ALLC: variants seen among roughly 807,000 people sequenced by gnomAD.
The protein encoded by ALLC is probable inactive allantoicase.
ALLC carries 40 observed loss-of-function variants against 45.0 expected under a neutral mutation model. The ratio of observed to expected loss-of-function variants is 0.89; its 90% confidence interval spans 0.69 to 1.16. The LOEUF is 1.16. Among genes scored for constraint, ALLC ranks in the 50% most tolerant of loss-of-function variants. The pLI, the probability that ALLC is intolerant of heterozygous loss-of-function variation, is 0.00. For synonymous variants in ALLC, 176 were observed against 178.1 expected (o/e 0.99, Z 0.09); for missense variants, 488 against 493.1 (o/e 0.99, Z 0.10).
rs370256431 is a variant in ALLC, at chr2:3,702,405, G to A, written c.1018G>A (p.Glu340Lys). ...TCATCTGTTCGATAGCCTGACCCTAGAGCTCCAAGATGTCATCACTCACGC... is the reference window on the plus strand; with the variant it reads ...TCATCTGTTCGATAGCCTGACCCTAAAGCTCCAAGATGTCATCACTCACGC... ...QSHLFDSLTL[E>K]LQDVITHARL... Residue 340 changes from glutamate (E) to lysine (K), a missense_variant, in exon 12 of 12, where the codon GAG (glutamate) becomes AAG (lysine). Physicochemically the swap from Glu to Lys is moderately conservative, Grantham distance 56. Transcript: ENST00000252505. The A allele has an allele frequency of 8.1e-6, 13 of 1,613,130 alleles. No individual in the cohort carries two copies. In the African/African-American group the frequency reaches 1.3e-4, roughly 17 times the overall value.
At chr2:3,697,609 CTCTGTCTG>C (rs757923260) in intron 10 of ALLC, among the ~76,000 whole-genome samples, 153 bp downstream of exon 10, 4 of 146,916 alleles carry the variant, frequency 2.7e-5, no homozygotes, top group South Asian at 4.4e-4. Context: ...ACCCTTAGAA[CTCTGTCTG>C]TCTGTCTATC....
chr2:3,646,362 G>A, the ALLC span, among the ~76,000 whole-genome samples: 1 of 152,228 alleles, frequency 6.6e-6, no homozygotes, highest in Non-Finnish European at 1.5e-5. Flanking sequence ...TGACCCAGAA[G>A]TCTCATGTCT....
intron 2 of ALLC, among the ~76,000 whole-genome samples, chr2:3,673,269 G>A (rs1279592935): frequency 6.6e-6 from 1 of 152,218 alleles, no homozygotes; most frequent in East Asian, 1.9e-4. Flanking sequence ...AGGTAGGAGA[G>A]GCCCCATGTG....
At chr2:3,667,098 T>TCCCTGCCTGCACCCATGGTCTC (rs1488318488) in intron 1 of ALLC, among the ~76,000 whole-genome samples, 3 of 152,192 alleles carry the variant, frequency 2.0e-5, no homozygotes, top group Admixed American at 2.0e-4. Context: ...ATCATTGGCC[T>TCCCTGCCTGCACCCATGGTCTC]CCCTGCCTGC....
At chr2:3,646,664 T>C in the ALLC span, among the ~76,000 whole-genome samples, 5 of 152,188 alleles carry the variant, frequency 3.3e-5, no homozygotes, top group African/African-American at 1.2e-4. Context: ...TTTTGCTTCA[T>C]TGGCGCAGAC....
At chr2:3,652,418 A>C in the ALLC span, among the ~76,000 whole-genome samples, 1 of 152,210 alleles carries the variant, frequency 6.6e-6, no homozygotes, top group Non-Finnish European at 1.5e-5. Flanking sequence ...TCTACATGGA[A>C]GCTTTGTAGG....
rs1667127553 is a variant in ALLC at position 3,679,851 on chromosome 2, G to A, written c.173-18G>A. The A allele has an allele frequency of 1.9e-6, 3 of 1,613,566 alleles. No homozygotes were observed. Among genetic ancestry groups the A allele is most frequent in the Non-Finnish European group, 2.5e-6 (3 of 1,179,804 alleles). ...TGTTGGCCCTAACGAGACTGCTCTTGTCCTCTGTGTTGCGCAGGTCACGAC... is the reference window on the plus strand; with the variant it reads ...TGTTGGCCCTAACGAGACTGCTCTTATCCTCTGTGTTGCGCAGGTCACGAC... On this transcript the variant is annotated intron_variant, in intron 4 of 11. Coordinates refer to ENST00000252505, the MANE Select transcript of ALLC (RefSeq NM_018436.4).
intron 10 of ALLC, among the ~76,000 whole-genome samples, 165 bp downstream of exon 10, chr2:3,697,621 G>GTCTGTCTATCTATCTATCTATCTA (rs1354630765): frequency 1.6e-5 from 2 of 125,326 alleles, no homozygotes; most frequent in African/African-American, 2.8e-5. Flanking sequence ...CTGTCTGTCT[G>GTCTGTCTATCTATCTATCTATCTA]TCTATCTATC....
At chr2:3,666,827 G>T (rs938401814) in intron 1 of ALLC, among the ~76,000 whole-genome samples, 1 of 152,148 alleles carries the variant, frequency 6.6e-6, no homozygotes, top group African/African-American at 2.4e-5. Flanking sequence ...AATCTTTTCG[G>T]AGCTCTTCCA....
chr2:3,648,199 C>G, the ALLC span, among the ~76,000 whole-genome samples: 2 of 152,106 alleles, frequency 1.3e-5, no homozygotes, highest in African/African-American at 4.8e-5. Flanking sequence ...TTCCATTTCT[C>G]CCCCCATTAA....
chr2:3,684,598 T>C (rs1290806554), intron 7 of ALLC, among the ~76,000 whole-genome samples: 2 of 152,120 alleles, frequency 1.3e-5, no homozygotes, highest in African/African-American at 4.8e-5. Flanking sequence ...ATCATTCTTA[T>C]GTCTTTGCAT....
At chr2:3,684,546 T>C (rs1207179571) in intron 7 of ALLC, among the ~76,000 whole-genome samples, 1 of 152,194 alleles carries the variant, frequency 6.6e-6, no homozygotes, top group Non-Finnish European at 1.5e-5. Flanking sequence ...GTATCCAATG[T>C]GTAGCCTGTT....
chr2:3,701,589 T>G lies in ALLC; in HGVS notation c.928T>G (p.Trp310Gly). 1 of 1,610,154 alleles carries G rather than the reference T, an allele frequency of 6.2e-7. No individual in the cohort carries two copies. Among genetic ancestry groups the G allele is most frequent in the Non-Finnish European group, 8.5e-7 (1 of 1,178,330 alleles). The change falls in exon 11 of 12, where the codon TGG (tryptophan) becomes GGG (glycine). Residue 310 changes from tryptophan (W) to glycine (G), a missense_variant. Trp to Gly is a radical substitution (Grantham distance 184). Transcript: ENST00000252505. ...AGAAGAAGCCGTGATCAGGCAAAAG[T>G]GGATTCTCCCGGCCCACAAGTGGAA... Reference protein sequence around the residue: ...QEEEAVIRQKWILPAHKWKPL... With the variant: ...QEEEAVIRQKGILPAHKWKPL...
chr2:3,660,904 A>T (rs960886108), intron 1 of ALLC, among the ~76,000 whole-genome samples: 6 of 152,176 alleles, frequency 3.9e-5, no homozygotes, highest in Admixed American at 3.9e-4. Flanking sequence ...GGAGCAGGTG[A>T]TCAAAAAAGG....
chr2:3,661,753 G>A (rs1204090048), intron 1 of ALLC, among the ~76,000 whole-genome samples: 1 of 152,208 alleles, frequency 6.6e-6, no homozygotes, highest in Non-Finnish European at 1.5e-5. Context: ...CTCTAGGTGT[G>A]TATTATAGTT....
intron 7 of ALLC, among the ~76,000 whole-genome samples, chr2:3,684,041 G>T (rs1487141755): frequency 6.6e-6 from 1 of 152,216 alleles, no homozygotes; most frequent in African/African-American, 2.4e-5. Flanking sequence ...TTTGAACAAT[G>T]CTGCTGTAAA....
At chr2:3,679,768 G>A (rs1667123906) in intron 4 of ALLC, 101 bp from the exon 5 acceptor site, 1 of 1,511,572 alleles carries the variant, frequency 6.6e-7, no homozygotes, top group African/African-American at 1.4e-5. Context: ...GGACGGAATG[G>A]CCCCTGCTGT....
At chr2:3,647,806 A>G in the ALLC span, among the ~76,000 whole-genome samples, 2 of 152,138 alleles carry the variant, frequency 1.3e-5, no homozygotes, top group South Asian at 4.1e-4. Flanking sequence ...TCCTCTCCTG[A>G]TGGACACTAG....
intron 3 of ALLC, 120 bp downstream of exon 3, chr2:3,674,245 G>A (rs181600383): frequency 9.4e-5 from 70 of 743,782 alleles, no homozygotes; most frequent in Admixed American, 4.8e-4. Context: ...TGGCAAATTA[G>A]CATATTAGAA....
Sources: allele counts gnomAD v4.1 joint callset (sites outside exome capture counted in the v4.1 genomes callset), GRCh38; gene constraint gnomAD v4.1.1; transcripts MANE v1.5; gene names NCBI Gene and HGNC (gene_info 2026-07-23, HGNC 2026-07-21).